ELOVL5: variants seen among roughly 807,000 people sequenced by gnomAD.
ELOVL5 encodes the protein very long chain fatty acid elongase 5.
In ELOVL5, 8 loss-of-function variants were observed where a neutral mutation model predicts 38.6. The observed-to-expected ratio is 0.21, with a 90% CI of 0.12 to 0.37. The LOEUF is 0.37. Among genes scored for constraint, ELOVL5 ranks in the 10% least tolerant of loss-of-function variants. The pLI, the probability that ELOVL5 is intolerant of heterozygous loss-of-function variation, is 1.00. For synonymous variants in ELOVL5, 127 were observed against 133.7 expected, an observed-to-expected ratio of 0.95 and a Z score of 0.34; for missense variants, 280 against 367.8, an observed-to-expected ratio of 0.76 and a Z score of 1.95.
intron 1 of ELOVL5, among the ~76,000 whole-genome samples, chr6:53,298,889 T>TG (rs1767129220): frequency 4.1e-5 from 1 of 24,124 alleles, no homozygotes; most frequent in African/African-American, 2.0e-4. Context: ...CAAGAGAAGG[T>TG]GGGGGCAAGG....
chr6:53,304,778 G>A (rs1031588359), intron 1 of ELOVL5, among the ~76,000 whole-genome samples: 1 of 152,224 alleles, frequency 6.6e-6, no homozygotes, highest in African/African-American at 2.4e-5. Context: ...CAACGCAGAA[G>A]AATTTTTCTT....
intron 1 of ELOVL5, among the ~76,000 whole-genome samples, chr6:53,302,662 G>C (rs550335392): frequency 5.9e-5 from 8 of 136,134 alleles, no homozygotes; most frequent in Non-Finnish European, 1.3e-4. Context: ...TAAAGAGTTG[G>C]TATAAGAATT....
intron 6 of ELOVL5, among the ~76,000 whole-genome samples, chr6:53,273,005 T>G (rs1220378564): frequency 1.3e-5 from 2 of 152,228 alleles, no homozygotes; most frequent in Non-Finnish European, 2.9e-5. Context: ...TAGACCTCTT[T>G]GTACAATTCA....
At chr6:53,306,257 AGGGAGAGGGGAGAGGGGAGAGGGGAGAG>A (rs1561878549) in intron 1 of ELOVL5, among the ~76,000 whole-genome samples, 3 of 338 alleles carry the variant, frequency 8.9e-3, no homozygotes, top group African/African-American at 0.065. Flanking sequence ...GAGAGGGGAG[AGGGAGAGGGGAGAGGGGAGAGGGGAGAG>A]GGGAGAGGGG....
At chr6:53,308,959 T>C (rs192433165) in intron 1 of ELOVL5, among the ~76,000 whole-genome samples, 2 of 151,916 alleles carry the variant, frequency 1.3e-5, no homozygotes, top group Non-Finnish European at 2.9e-5. Flanking sequence ...CGTATCAAGA[T>C]AGAGATCAGT....
At chr6:53,270,560 A>T (rs766601807) in intron 7 of ELOVL5, 33 bp downstream of exon 7, 11 of 1,611,682 alleles carry the variant, frequency 6.8e-6, no homozygotes, top group Non-Finnish European at 4.2e-6. Flanking sequence ...TAAAGGCCCC[A>T]GATTCCAAGT....
Position 53,297,517 on chromosome 6 carries a change from C to T in ELOVL5, c.-8-1810G>A, listed in dbSNP as rs193182723. ...ATCCTCACCGTAGACACTTCTTCAC[C>T]CTTGAGTCACTTTGTAACCTTCTGG... On this transcript the variant is annotated intron_variant, in intron 1 of 7. Transcript: ENST00000304434. Among the ~76,000 whole-genome samples the T allele has an allele frequency of 3.3e-5, 5 of 152,276 alleles. No homozygotes were observed. In the East Asian group the frequency reaches 7.7e-4, roughly 23 times the overall value.
chr6:53,329,209 A>T (rs1218228502), intron 1 of ELOVL5, among the ~76,000 whole-genome samples: 1 of 152,200 alleles, frequency 6.6e-6, no homozygotes, highest in Non-Finnish European at 1.5e-5. Context: ...TGCTACTGCT[A>T]CTGCTACTGC....
rs115375031 is a variant in ELOVL5 at position 53,269,872 on chromosome 6, T to C, written c.757-602A>G. Among the ~76,000 whole-genome samples the C allele has an allele frequency of 4.4e-3, 664 of 152,282 alleles. 8 individuals carry two copies. The highest frequency in any genetic ancestry group is 0.015 in the African/African-American group (641 of 41,552). ...ACTCAACATGCCACACACAGGTGCT[T>C]GTGGGCACAGAAGAAGAAAGGACAA... On this transcript the variant is annotated intron_variant, in intron 7 of 7. Coordinates refer to ENST00000304434, the MANE Select transcript of ELOVL5 (RefSeq NM_021814.5).
chr6:53,300,971 G>C (rs1018627250), intron 1 of ELOVL5, among the ~76,000 whole-genome samples: 1 of 152,090 alleles, frequency 6.6e-6, no homozygotes, highest in Non-Finnish European at 1.5e-5. Flanking sequence ...CACATGAACA[G>C]TACAAAGGTC....
chr6:53,300,568 C>T (rs1009667050), intron 1 of ELOVL5, among the ~76,000 whole-genome samples: 5 of 152,128 alleles, frequency 3.3e-5, no homozygotes, highest in African/African-American at 1.2e-4. Flanking sequence ...CAGAGCAGAG[C>T]CTGAATGGTG....
At chr6:53,294,568 AT>A in intron 2 of ELOVL5, 1 of 1,443,660 alleles carries the variant, frequency 6.9e-7, no homozygotes, top group Non-Finnish European at 9.2e-7. Flanking sequence ...TAACTACGGA[AT>A]TGCTCCACCT....
chr6:53,315,780 C>T (rs529053085), intron 1 of ELOVL5, among the ~76,000 whole-genome samples: 67 of 152,298 alleles, frequency 4.4e-4, no homozygotes, highest in Admixed American at 1.2e-3. Context: ...AAGTTAAAAA[C>T]CCTAGCTGTC....
chr6:53,287,729 G>T, intron 3 of ELOVL5: 1 of 741,598 alleles, frequency 1.3e-6, no homozygotes, highest in Non-Finnish European at 2.3e-6. Context: ...TGTTGCTGGG[G>T]TTTGAGTAGA....
intron 1 of ELOVL5, among the ~76,000 whole-genome samples, chr6:53,298,528 C>T (rs559250203): frequency 5.2e-4 from 79 of 152,070 alleles, no homozygotes; most frequent in Middle Eastern, 3.4e-3. Flanking sequence ...TTTAATCTTT[C>T]TGAAAAACGG....
At chr6:53,290,610 C>G (rs1581937872) in intron 3 of ELOVL5, 1 of 152,050 alleles carries the variant, frequency 6.6e-6, no homozygotes, top group Non-Finnish European at 1.5e-5. Flanking sequence ...AAAAGTAATG[C>G]TAGGAACATC....
chr6:53,293,381 G>A (rs1032580782), intron 2 of ELOVL5, among the ~76,000 whole-genome samples: 2 of 152,136 alleles, frequency 1.3e-5, no homozygotes, highest in African/African-American at 2.4e-5. Context: ...GCAGTGGCGT[G>A]ATCTCAGCTC....
At chr6:53,332,052 CTT>C (rs1768827738) in intron 1 of ELOVL5, among the ~76,000 whole-genome samples, 1 of 152,300 alleles carries the variant, frequency 6.6e-6, no homozygotes, top group South Asian at 2.1e-4. Flanking sequence ...ACATTGAACT[CTT>C]TACCATGAGA....
At chr6:53,306,072 C>T (rs948621903) in intron 1 of ELOVL5, among the ~76,000 whole-genome samples, 5 of 151,144 alleles carry the variant, frequency 3.3e-5, no homozygotes, top group Non-Finnish European at 5.9e-5. Flanking sequence ...GGCGTGGCGG[C>T]GCGCGCCTGC....
Sources: allele counts gnomAD v4.1 joint callset (sites outside exome capture counted in the v4.1 genomes callset), GRCh38; gene constraint gnomAD v4.1.1; transcripts MANE v1.5; gene names NCBI Gene and HGNC (gene_info 2026-07-23, HGNC 2026-07-21).